The following TNNI3K variants were observed in gnomAD, a reference collection of about 807,000 sequenced individuals.
TNNI3K encodes the protein TNNI3 interacting kinase.
A neutral mutation model predicts 114.5 loss-of-function variants in TNNI3K; 140 were observed. The ratio of observed to expected loss-of-function variants is 1.22; its 90% confidence interval spans 1.07 to 1.41. The LOEUF is 1.41. Among genes scored for constraint, TNNI3K ranks in the 40% most tolerant of loss-of-function variants. TNNI3K has a pLI of 0.00. For missense variants in TNNI3K, 1,125 were observed against 1,007.6 expected (o/e 1.12, Z -1.58); for synonymous variants, 347 against 347.5 (o/e 1.00, Z 0.02).
At chr1:74,417,682 TTGTGTGTGTGTGTGTGTGTGTG>T (rs10529693) in intron 17 of TNNI3K, among the ~76,000 whole-genome samples, 42 of 137,126 alleles carry the variant, frequency 3.1e-4, no homozygotes, top group Admixed American at 5.8e-4. Flanking sequence ...GTGTACGTGT[TTGTGTGTGTGTGTGTGTGTGTG>T]TGTGTGTGTG....
chr1:74,352,605 G>T (rs1308909952), intron 9 of TNNI3K, among the ~76,000 whole-genome samples: 2 of 152,196 alleles, frequency 1.3e-5, no homozygotes, highest in African/African-American at 4.8e-5. Context: ...TTGAGCTGTG[G>T]TCGGCTCCAC....
chr1:74,472,154 C>T (rs1030294015), intron 21 of TNNI3K: 4 of 717,174 alleles, frequency 5.6e-6, no homozygotes, highest in Admixed American at 4.0e-5. Flanking sequence ...CCTGCCAAGG[C>T]TGAAGCGGGT....
chr1:74,287,197 T>C (rs1182381233), intron 5 of TNNI3K, among the ~76,000 whole-genome samples: 1 of 151,848 alleles, frequency 6.6e-6, no homozygotes, highest in African/African-American at 2.4e-5. Flanking sequence ...ATGACAAACG[T>C]GGAAAAGCCT....
chr1:74,271,168 C>T (rs975555101), intron 4 of TNNI3K, among the ~76,000 whole-genome samples: 4 of 151,798 alleles, frequency 2.6e-5, no homozygotes, highest in Non-Finnish European at 5.9e-5. Context: ...GGTTCATACT[C>T]TCTTCTTAAA....
At chr1:74,448,260 T>TAAAA (rs71588834) in intron 20 of TNNI3K, among the ~76,000 whole-genome samples, 356 of 88,612 alleles carry the variant, frequency 4.0e-3, no homozygotes, top group Middle Eastern at 0.012. Context: ...TAGAGTATAA[T>TAAAA]AAAAAAAAAA....
chr1:74,505,717 G>T (rs1339704582), intron 23 of TNNI3K, among the ~76,000 whole-genome samples: 1 of 152,060 alleles, frequency 6.6e-6, no homozygotes, highest in Non-Finnish European at 1.5e-5. Context: ...TATCTCCTTG[G>T]AACCTATGAG....
At chr1:74,405,565 ACT>A (rs1252555502) in intron 17 of TNNI3K, among the ~76,000 whole-genome samples, 2 of 152,186 alleles carry the variant, frequency 1.3e-5, no homozygotes, top group African/African-American at 2.4e-5. Context: ...ACAAAATAGC[ACT>A]TAAAAGACTT....
chr1:74,287,892 G>A (rs1021769652), intron 5 of TNNI3K, among the ~76,000 whole-genome samples: 4 of 151,944 alleles, frequency 2.6e-5, no homozygotes, highest in Middle Eastern at 3.4e-3. Flanking sequence ...TCAGTAAAAG[G>A]ACAACAAATA....
At chr1:74,350,280 T>G (rs1185201108) in intron 9 of TNNI3K, among the ~76,000 whole-genome samples, 4 of 152,212 alleles carry the variant, frequency 2.6e-5, no homozygotes, top group Non-Finnish European at 5.9e-5. Flanking sequence ...AGTTGAGCAG[T>G]TTTGTGTGAG....
At chr1:74,433,038 C>T (rs939213268) in intron 17 of TNNI3K, among the ~76,000 whole-genome samples, 21 of 151,868 alleles carry the variant, frequency 1.4e-4, no homozygotes, top group African/African-American at 5.1e-4. Context: ...TCACAGGAGA[C>T]CCTCACTCAA....
chr1:74,237,418 C>T (rs1179465584), intron 2 of TNNI3K, among the ~76,000 whole-genome samples: 1 of 151,924 alleles, frequency 6.6e-6, no homozygotes, highest in African/African-American at 2.4e-5. Flanking sequence ...ACATCTAGCT[C>T]TTATTGACTT....
At position 74,343,186 on chromosome 1, in the gene TNNI3K, G is replaced by A; in HGVS notation, c.932+7G>A. On this transcript the variant is annotated splice_region_variant and intron_variant, in intron 9 of 24. Coordinates refer to ENST00000326637, the MANE Select transcript of TNNI3K (RefSeq NM_015978.3). ...GTGAAACAGCTTTTCATAGGTAAAA[G>A]AATATTTAAGTGCAATAGCCACTAA... 6.2e-7 allele frequency: 1 copy of A among 1,605,104 alleles called. No individual in the cohort carries two copies. The highest frequency in any genetic ancestry group is 8.5e-7 in the Non-Finnish European group (1 of 1,175,600).
intron 21 of TNNI3K, among the ~76,000 whole-genome samples, chr1:74,463,962 G>C (rs1287974743): frequency 6.6e-6 from 1 of 152,226 alleles, no homozygotes; most frequent in African/African-American, 2.4e-5. Flanking sequence ...GCTCACGTAG[G>C]AGGCAGAAGA....
chr1:74,244,615 C>G (rs902206419), intron 2 of TNNI3K, among the ~76,000 whole-genome samples: 1 of 148,620 alleles, frequency 6.7e-6, no homozygotes, highest in Admixed American at 6.8e-5. Flanking sequence ...ACACAGCAGT[C>G]AATTTCAGGA....
intron 4 of TNNI3K, among the ~76,000 whole-genome samples, chr1:74,257,478 T>C (rs1274844784): frequency 1.3e-5 from 2 of 152,084 alleles, no homozygotes; most frequent in Non-Finnish European, 2.9e-5. Flanking sequence ...GTATTATGTG[T>C]TATAGGAAAT....
chr1:74,517,251 G>T (rs1028528988), intron 23 of TNNI3K, among the ~76,000 whole-genome samples: 1 of 152,110 alleles, frequency 6.6e-6, no homozygotes, highest in Non-Finnish European at 1.5e-5. Flanking sequence ...AAGACAACTG[G>T]TTTATTATAT....
intron 21 of TNNI3K, among the ~76,000 whole-genome samples, chr1:74,467,558 G>A (rs1342353633): frequency 1.3e-5 from 2 of 151,600 alleles, no homozygotes. Flanking sequence ...AAATTTGGAC[G>A]TGAAATTATG....
In TNNI3K at chr1:74,250,661, T is replaced by C; in HGVS notation, c.236-11T>C. The C allele has an allele frequency of 6.2e-7, 1 of 1,606,822 alleles. No homozygotes were observed. Among genetic ancestry groups the C allele is most frequent in the Non-Finnish European group, 8.5e-7 (1 of 1,177,750 alleles). Reference sequence around the variant, plus strand: ...ACAATGATTTAGCCTTTTTTCATTTTTCTCTTTAAGGCAAGAAATCACATA... The same window carrying C: ...ACAATGATTTAGCCTTTTTTCATTTCTCTCTTTAAGGCAAGAAATCACATA... On this transcript the variant is annotated splice_polypyrimidine_tract_variant and intron_variant, in intron 3 of 24. Transcript: ENST00000326637.
At chr1:74,327,054 C>T (rs1278721987) in intron 5 of TNNI3K, among the ~76,000 whole-genome samples, 1 of 146,960 alleles carries the variant, frequency 6.8e-6, no homozygotes, top group African/African-American at 2.5e-5. Flanking sequence ...GCACTTCAGC[C>T]TGGAGACAGA....
Sources: allele counts gnomAD v4.1 joint callset (sites outside exome capture counted in the v4.1 genomes callset), GRCh38; gene constraint gnomAD v4.1.1; transcripts MANE v1.5; gene names NCBI Gene and HGNC (gene_info 2026-07-23, HGNC 2026-07-21).